SPIN1: variants seen among roughly 807,000 people sequenced by gnomAD.
The protein encoded by SPIN1 is spindlin-1.
Under a neutral mutation model 26.0 loss-of-function variants are expected in SPIN1, and 3 were observed. The observed-to-expected ratio is 0.12, with a 90% CI of 0.05 to 0.30. The LOEUF (loss-of-function observed/expected upper bound fraction) is 0.30, where lower values mean the gene tolerates loss of function less well. Ranked by LOEUF, SPIN1 falls within the 10% of genes least tolerant of loss-of-function variation. SPIN1 has a pLI of 1.00. For missense variants in SPIN1, 126 were observed against 333.4 expected, an observed-to-expected ratio of 0.38 and a Z score of 4.84; for synonymous variants, 101 against 116.5, an observed-to-expected ratio of 0.87 and a Z score of 0.86.
At chr9:88,442,036 G>C (rs1828144971) in intron 2 of SPIN1, among the ~76,000 whole-genome samples, 2 of 145,956 alleles carry the variant, frequency 1.4e-5, no homozygotes, top group African/African-American at 5.1e-5. Context: ...ACTGCAACCT[G>C]TGCCTCCTGG....
intron 1 of SPIN1, among the ~76,000 whole-genome samples, chr9:88,397,343 C>A (rs1331914319): frequency 2.0e-5 from 3 of 152,068 alleles, no homozygotes; most frequent in Non-Finnish European, 4.4e-5. Flanking sequence ...GCCTCAGCCT[C>A]ATCTTGTACT....
intron 1 of SPIN1, among the ~76,000 whole-genome samples, chr9:88,420,511 T>C (rs1827648911): frequency 1.3e-5 from 2 of 152,268 alleles, no homozygotes; most frequent in South Asian, 4.1e-4. Flanking sequence ...GTCTTGCTTA[T>C]GTAGGCAGAA....
At position 88,410,188 on chromosome 9, in the gene SPIN1, T is replaced by TGTGTGTGTGTGTGCGCGC. The variant is rs4029765; in HGVS notation, c.-158-16193_-158-16192insTGTGTGTGTGTGCGCGCG. 2.1e-5 allele frequency among the ~76,000 whole-genome samples: 3 copies of TGTGTGTGTGTGTGCGCGC among 142,874 alleles called. No homozygotes were observed. In the South Asian group the frequency reaches 6.6e-4, roughly 31 times the overall value. 93.7% of individuals were successfully genotyped at this position (142,874 alleles called of 152,430 possible). ...GTGTGTGTGTGTGTGTGTGTGTGTGTGCAACTTTTTTTTTTTTTAAAGACA... is the reference window on the plus strand; with the variant it reads ...GTGTGTGTGTGTGTGTGTGTGTGTGTGTGTGTGTGTGTGCGCGCGCAACTTTTTTTTTTTTTAAAGACA... On this transcript the variant is annotated intron_variant, in intron 1 of 5. Coordinates refer to ENST00000375859, the MANE Select transcript of SPIN1 (RefSeq NM_006717.3).
intron 1 of SPIN1, among the ~76,000 whole-genome samples, chr9:88,417,762 A>G (rs999360526): frequency 3.9e-5 from 6 of 152,046 alleles, no homozygotes; most frequent in African/African-American, 1.4e-4. Context: ...ATGAGCCACC[A>G]CACCCCAGCC....
chr9:88,389,188 C>T (rs905321630), intron 1 of SPIN1, among the ~76,000 whole-genome samples: 2 of 152,182 alleles, frequency 1.3e-5, no homozygotes, highest in Non-Finnish European at 2.9e-5. Flanking sequence ...CAGCCCCTTT[C>T]CTGATGCGCC....
intron 3 of SPIN1, among the ~76,000 whole-genome samples, chr9:88,460,425 TGATAC>T (rs1828557018): frequency 1.3e-5 from 2 of 152,230 alleles, no homozygotes; most frequent in South Asian, 4.1e-4. Context: ...TTTCTGTTCC[TGATAC>T]ATGTTCTTAC....
At chr9:88,461,436 G>A (rs1205956625) in intron 3 of SPIN1, among the ~76,000 whole-genome samples, 2 of 152,182 alleles carry the variant, frequency 1.3e-5, no homozygotes, top group African/African-American at 2.4e-5. Flanking sequence ...TGTCTCTTAT[G>A]GCCTGTTCCC....
At chr9:88,399,223 G>A (rs939073009) in intron 1 of SPIN1, among the ~76,000 whole-genome samples, 2 of 151,678 alleles carry the variant, frequency 1.3e-5, no homozygotes, top group East Asian at 2.0e-4. Context: ...TAGTGGAGAC[G>A]GGGTTTCACC....
intron 1 of SPIN1, among the ~76,000 whole-genome samples, chr9:88,414,037 A>AC (rs1827510629): frequency 6.6e-6 from 1 of 151,956 alleles, no homozygotes; most frequent in African/African-American, 2.4e-5. Flanking sequence ...TAGCAAAAAA[A>AC]AAAAAATACA....
chr9:88,416,301 A>G (rs930476804), intron 1 of SPIN1, among the ~76,000 whole-genome samples: 1 of 151,924 alleles, frequency 6.6e-6, no homozygotes, highest in Non-Finnish European at 1.5e-5. Context: ...CTGCTAAACC[A>G]TCCTTTCTTA....
intron 1 of SPIN1, among the ~76,000 whole-genome samples, chr9:88,418,243 C>T (rs1026089004): frequency 6.6e-6 from 1 of 152,178 alleles, no homozygotes; most frequent in Non-Finnish European, 1.5e-5. Context: ...CTTCCTGAGG[C>T]TATCCAGAAG....
chr9:88,456,245 C>G (rs865783746), intron 3 of SPIN1, among the ~76,000 whole-genome samples: 56 of 150,556 alleles, frequency 3.7e-4, no homozygotes, highest in African/African-American at 1.3e-3. Context: ...ATAATTTGTA[C>G]TAAAATTATG....
intron 1 of SPIN1, among the ~76,000 whole-genome samples, chr9:88,419,492 T>G (rs1827632754): frequency 6.6e-6 from 1 of 152,188 alleles, no homozygotes; most frequent in Non-Finnish European, 1.5e-5. Flanking sequence ...TCTATAGAAG[T>G]AAATTGCCTT....
chr9:88,413,559 A>G (rs1827500764), intron 1 of SPIN1, among the ~76,000 whole-genome samples: 1 of 143,314 alleles, frequency 7.0e-6, no homozygotes, highest in Non-Finnish European at 1.5e-5. Context: ...AATTTTTTTT[A>G]GTAGAGACAG....
chr9:88,389,006 C>CGGGGCGGGGGGA (rs1156934467), intron 1 of SPIN1, among the ~76,000 whole-genome samples: 3 of 64,992 alleles, frequency 4.6e-5, no homozygotes, highest in East Asian at 4.4e-4. Context: ...GCGACGGGGG[C>CGGGGCGGGGGGA]GGGGCGGGGG....
At chr9:88,411,469 C>T in intron 1 of SPIN1, 1 of 1,133,768 alleles carries the variant, frequency 8.8e-7, no homozygotes, top group Non-Finnish European at 1.3e-6. Context: ...GACATGATGG[C>T]ATGGAGAAGA....
At chr9:88,464,070 G>A (rs760464150) in intron 4 of SPIN1, among the ~76,000 whole-genome samples, 1 of 152,136 alleles carries the variant, frequency 6.6e-6, no homozygotes, top group Non-Finnish European at 1.5e-5. Flanking sequence ...TCTGGTGATG[G>A]GACTAAGGGT....
chr9:88,421,886 T>C (rs1827674412), intron 1 of SPIN1, among the ~76,000 whole-genome samples: 1 of 152,096 alleles, frequency 6.6e-6, no homozygotes, highest in South Asian at 2.1e-4. Flanking sequence ...TAATATATTT[T>C]ATATTGCCAC....
rs1052233422 is a variant in SPIN1, at chr9:88,409,362, G to C, written c.-158-17020G>C. 3.2e-4 allele frequency among the ~76,000 whole-genome samples: 49 copies of C among 151,108 alleles called. 1 individual carries two copies. Among genetic ancestry groups the C allele is most frequent in the Non-Finnish European group, 6.5e-4 (44 of 67,898 alleles). On this transcript the variant is annotated intron_variant, in intron 1 of 5. Transcript: ENST00000375859. ...CATTTTGTCTCCTTGTTGGCTCTGTGTGTGTGTATACACACGTGCACATCT... is the reference window on the plus strand; with the variant it reads ...CATTTTGTCTCCTTGTTGGCTCTGTCTGTGTGTATACACACGTGCACATCT...
Sources: gnomAD v4.1 joint callset for allele counts (sites outside exome capture counted in the v4.1 genomes callset) on GRCh38, gnomAD v4.1.1 for gene constraint, MANE v1.5 for transcripts, NCBI Gene and HGNC (gene_info 2026-07-23, HGNC 2026-07-21) for gene names.